Variants in SGCZ observed in about 807,000 individuals in gnomAD.
SGCZ encodes the protein zeta-sarcoglycan.
Under a neutral mutation model 41.3 loss-of-function variants are expected in SGCZ, and 40 were observed. The observed-to-expected ratio is 0.97, with a 90% confidence interval of 0.75 to 1.26. The LOEUF is 1.26. Ranked by LOEUF, SGCZ falls within the 50% of genes most tolerant of loss-of-function variation. SGCZ has a pLI of 0.00. For missense variants in SGCZ, 552 were observed against 369.8 expected (o/e 1.49, Z -4.04); for synonymous variants, 206 against 137.5 (o/e 1.50, Z -3.49).
intron 1 of SGCZ, among the ~76,000 whole-genome samples, chr8:14,618,037 G>C (rs1050550355): frequency 6.6e-6 from 1 of 152,118 alleles, no homozygotes; most frequent in East Asian, 1.9e-4. Context: ...AATGGAAATA[G>C]TCTATTAAAT....
chr8:15,188,298 A>T (rs1185113502), intron 1 of SGCZ, among the ~76,000 whole-genome samples: 5 of 152,108 alleles, frequency 3.3e-5, no homozygotes, highest in African/African-American at 1.2e-4. Context: ...TGAGTTTATA[A>T]ACTGAATTAG....
chr8:14,780,246 G>A (rs1163948532), intron 1 of SGCZ, among the ~76,000 whole-genome samples: 1 of 151,746 alleles, frequency 6.6e-6, no homozygotes, highest in Non-Finnish European at 1.5e-5. Flanking sequence ...GTGGTGGCGG[G>A]CACCTGTAGT....
intron 1 of SGCZ, among the ~76,000 whole-genome samples, chr8:14,872,226 G>T (rs1258673879): frequency 1.3e-5 from 2 of 151,950 alleles, no homozygotes; most frequent in African/African-American, 4.8e-5. Flanking sequence ...TAGATGACAG[G>T]TTGATGGGTT....
intron 1 of SGCZ, among the ~76,000 whole-genome samples, chr8:14,868,369 T>C (rs552283565): frequency 6.6e-6 from 1 of 152,144 alleles, no homozygotes; most frequent in African/African-American, 2.4e-5. Context: ...AAGCCACCAG[T>C]ACAGCCACCA....
chr8:15,069,304 G>C (rs1308870798), intron 1 of SGCZ, among the ~76,000 whole-genome samples: 1 of 152,036 alleles, frequency 6.6e-6, no homozygotes, highest in African/African-American at 2.4e-5. Flanking sequence ...AAAGTGCTAG[G>C]ATTACAGGCA....
intron 1 of SGCZ, among the ~76,000 whole-genome samples, chr8:15,230,185 T>A (rs868121893): frequency 0.024 from 3,299 of 139,388 alleles, 57 homozygotes; most frequent in Middle Eastern, 0.044. Context: ...GGATACTAGT[T>A]AAAAAAAAAA....
intron 1 of SGCZ, among the ~76,000 whole-genome samples, chr8:14,664,990 G>T (rs1219019756): frequency 6.6e-6 from 1 of 152,104 alleles, no homozygotes; most frequent in South Asian, 2.1e-4. Flanking sequence ...TGAATTTTTA[G>T]GTGGGGGAAT....
At chr8:14,168,472 G>A (rs1804274407) in intron 4 of SGCZ, among the ~76,000 whole-genome samples, 2 of 152,068 alleles carry the variant, frequency 1.3e-5, no homozygotes, top group African/African-American at 4.8e-5. Flanking sequence ...TTCCTGTGCT[G>A]TTCTCATGAG....
intron 1 of SGCZ, among the ~76,000 whole-genome samples, chr8:14,687,279 G>T (rs1000254640): frequency 6.7e-6 from 1 of 150,362 alleles, no homozygotes; most frequent in African/African-American, 2.4e-5. Context: ...GTGCCATGTT[G>T]GTGTGCTGCA....
At chr8:14,985,144 T>C (rs1801789265) in intron 1 of SGCZ, among the ~76,000 whole-genome samples, 1 of 152,162 alleles carries the variant, frequency 6.6e-6, no homozygotes, top group African/African-American at 2.4e-5. Flanking sequence ...TTGAAATGAA[T>C]ACATTTGGAT....
chr8:14,554,422 T>A (rs959322016), intron 2 of SGCZ, among the ~76,000 whole-genome samples: 7 of 152,018 alleles, frequency 4.6e-5, no homozygotes, highest in Non-Finnish European at 1.0e-4. Flanking sequence ...TTTCTTAGAT[T>A]TTAAGACACA....
chr8:14,356,938 T>C (rs1325058412), intron 2 of SGCZ, among the ~76,000 whole-genome samples: 1 of 152,024 alleles, frequency 6.6e-6, no homozygotes, highest in African/African-American at 2.4e-5. Flanking sequence ...GTATGCCGAT[T>C]AAGAATATCA....
chr8:14,566,970 G>A (rs1015526725), intron 1 of SGCZ, among the ~76,000 whole-genome samples: 1 of 152,214 alleles, frequency 6.6e-6, no homozygotes, highest in Non-Finnish European at 1.5e-5. Context: ...GGCAGTGAAG[G>A]GCTTAGCACC....
intron 1 of SGCZ, among the ~76,000 whole-genome samples, chr8:14,940,759 G>C (rs1052484937): frequency 2.0e-5 from 3 of 152,096 alleles, no homozygotes; most frequent in Non-Finnish European, 4.4e-5. Flanking sequence ...ATGTGTGTGT[G>C]TGTCTGTGTT....
chr8:14,555,948 A>G (rs1804023052), intron 1 of SGCZ, among the ~76,000 whole-genome samples: 1 of 152,066 alleles, frequency 6.6e-6, no homozygotes, highest in South Asian at 2.1e-4. Context: ...TATATATTAT[A>G]CCATACTATT....
rs145713377 is a variant in SGCZ at position 14,343,944 on chromosome 8, T to C, written c.235-19740A>G. Among the ~76,000 whole-genome samples the C allele has an allele frequency of 3.3e-5, 5 of 152,268 alleles. No homozygotes were observed. In the East Asian group the frequency reaches 9.7e-4, roughly 29 times the overall value. The stretch of plus-strand genomic sequence containing the variant: ...GTGATCCAATTGAGGATTCACATAT[T>C]GGTTCAAAATAATTATAATTCAAGT... On this transcript the variant is annotated intron_variant, in intron 2 of 7. Transcript: ENST00000382080.
chr8:15,195,631 C>A (rs950559176), intron 1 of SGCZ, among the ~76,000 whole-genome samples: 1 of 152,130 alleles, frequency 6.6e-6, no homozygotes, highest in Non-Finnish European at 1.5e-5. Flanking sequence ...TAGTGTGCCA[C>A]CCCAGTGAAA....
At chr8:14,286,979 T>C (rs769824785) in intron 3 of SGCZ, among the ~76,000 whole-genome samples, 15 of 152,022 alleles carry the variant, frequency 9.9e-5, no homozygotes, top group Admixed American at 6.6e-4. Context: ...AGTTTAGTTT[T>C]TTTCCCCTAC....
At chr8:15,235,043 C>A (rs1012877483) in intron 1 of SGCZ, among the ~76,000 whole-genome samples, 1 of 152,106 alleles carries the variant, frequency 6.6e-6, no homozygotes, top group Non-Finnish European at 1.5e-5. Flanking sequence ...TAAGAAAAGT[C>A]AAAACATGCA....
Sources: allele counts gnomAD v4.1 joint callset (sites outside exome capture counted in the v4.1 genomes callset), GRCh38; gene constraint gnomAD v4.1.1; transcripts MANE v1.5; gene names NCBI Gene and HGNC (gene_info 2026-07-23, HGNC 2026-07-21).